Variants in MTMR7 observed in about 807,000 individuals in gnomAD.
The protein encoded by MTMR7 is phosphatidylinositol-3-phosphate phosphatase MTMR7.
MTMR7 carries 76 observed loss-of-function variants against 81.2 expected under a neutral mutation model. That is an observed-to-expected ratio of 0.94 (90% confidence interval 0.78 to 1.13). MTMR7 has a LOEUF of 1.13. MTMR7 is among the 50% of genes most tolerant of loss of function. The pLI, the probability that MTMR7 is intolerant of heterozygous loss-of-function variation, is 0.00. For synonymous variants in MTMR7, 372 were observed against 289.8 expected, an observed-to-expected ratio of 1.28 and a Z score of -2.88; for missense variants, 1,044 against 820.0, an observed-to-expected ratio of 1.27 and a Z score of -3.34.
chr8:17,378,270 CA>C (rs1310930253), intron 1 of MTMR7, among the ~76,000 whole-genome samples: 2 of 152,088 alleles, frequency 1.3e-5, no homozygotes, highest in African/African-American at 2.4e-5. Flanking sequence ...TATGATTTCC[CA>C]GAGATACTAA....
intron 1 of MTMR7, among the ~76,000 whole-genome samples, chr8:17,390,304 G>C (rs1295922545): frequency 6.6e-6 from 1 of 151,668 alleles, no homozygotes; most frequent in African/African-American, 2.4e-5. Flanking sequence ...GCAGGAACAA[G>C]AAAGAGTGAG....
At chr8:17,361,928 G>C (rs1820073379) in intron 3 of MTMR7, among the ~76,000 whole-genome samples, 1 of 152,064 alleles carries the variant, frequency 6.6e-6, no homozygotes, top group Non-Finnish European at 1.5e-5. Flanking sequence ...ATCATGATGT[G>C]GTTTCTTTCA....
In MTMR7 at chr8:17,304,627, C is replaced by A. The variant is rs981499574; in HGVS notation, c.1353-108G>T. On this transcript the variant is annotated intron_variant, in intron 11 of 13. Transcript: ENST00000180173. ...ACTAATAATTGTTACCTGAAAACCA[C>A]GTGTCTGTTCGATAGCAGGTAAATG... 8 of 1,122,926 alleles carry A rather than the reference C, an allele frequency of 7.1e-6. No individual in the cohort carries two copies. The African/African-American group carries it at 1.2e-4, about 17-fold the overall frequency. The allele number at this position is 1,122,926 out of a possible 1,614,324, so 69.6% of individuals were successfully genotyped here. A position where few individuals can be genotyped will look rare whatever the true frequency, so the allele number is the denominator to read the frequency against.
chr8:17,311,728 G>T, intron 8 of MTMR7, 92 bp from the exon 9 acceptor site: 1 of 1,570,624 alleles, frequency 6.4e-7, no homozygotes, highest in Non-Finnish European at 8.6e-7. Context: ...TATATTTACA[G>T]AAAGAAACAG....
chr8:17,381,254 C>A (rs1820750602), intron 1 of MTMR7, among the ~76,000 whole-genome samples: 1 of 152,078 alleles, frequency 6.6e-6, no homozygotes, highest in Admixed American at 6.5e-5. Context: ...GCTGAAAACG[C>A]TCAGTCAAAA....
chr8:17,404,145 A>T (rs1032644916), intron 1 of MTMR7, among the ~76,000 whole-genome samples: 1 of 152,206 alleles, frequency 6.6e-6, no homozygotes, highest in African/African-American at 2.4e-5. Flanking sequence ...GGGGAGTGGC[A>T]AAAATGGAAA....
intron 10 of MTMR7, among the ~76,000 whole-genome samples, chr8:17,307,308 G>C (rs548114834): frequency 6.6e-6 from 1 of 152,348 alleles, no homozygotes; most frequent in South Asian, 2.1e-4. Flanking sequence ...CTGGCCATCA[G>C]AGAAATGCAA....
chr8:17,331,076 A>C, intron 7 of MTMR7, 74 bp downstream of exon 7: 2 of 1,511,248 alleles, frequency 1.3e-6, no homozygotes, highest in Non-Finnish European at 1.8e-6. Context: ...TTTTAAAATC[A>C]AGACTATCTT....
chr8:17,344,261 A>G (rs1819490315), intron 5 of MTMR7, among the ~76,000 whole-genome samples: 1 of 152,180 alleles, frequency 6.6e-6, no homozygotes, highest in Admixed American at 6.5e-5. Context: ...AATTCTTAAC[A>G]AAGTAATTCA....
intron 2 of MTMR7, among the ~76,000 whole-genome samples, chr8:17,372,683 C>A (rs1820454539): frequency 6.6e-6 from 1 of 152,090 alleles, no homozygotes; most frequent in African/African-American, 2.4e-5. Context: ...GATGATGAAG[C>A]TCCTCTAGAT....
intron 1 of MTMR7, among the ~76,000 whole-genome samples, chr8:17,384,600 A>C (rs1180919567): frequency 1.3e-5 from 2 of 152,222 alleles, no homozygotes; most frequent in Admixed American, 6.5e-5. Flanking sequence ...TACAAGAAGA[A>C]AAACTGAAGC....
At chr8:17,338,400 C>A (rs1459652668) in intron 6 of MTMR7, among the ~76,000 whole-genome samples, 1 of 152,182 alleles carries the variant, frequency 6.6e-6, no homozygotes, top group African/African-American at 2.4e-5. Flanking sequence ...GTGAATCTGT[C>A]TGGCTTTATT....
intron 11 of MTMR7, 122 bp downstream of exon 11, chr8:17,305,635 C>T: frequency 1.4e-6 from 1 of 731,698 alleles, no homozygotes; most frequent in South Asian, 2.0e-5. Flanking sequence ...TAAAACTAAT[C>T]TGTCAGTATA....
intron 7 of MTMR7, among the ~76,000 whole-genome samples, chr8:17,325,099 G>C (rs1273823891): frequency 6.6e-6 from 1 of 152,110 alleles, no homozygotes; most frequent in Non-Finnish European, 1.5e-5. Context: ...ACGGAAGAAT[G>C]TGTCGAGCAA....
rs1393696142 is a variant in MTMR7 at position 17,388,985 on chromosome 8, A to T, written c.25-15745T>A. Among the ~76,000 whole-genome samples the T allele has an allele frequency of 2.0e-5, 3 of 152,186 alleles. No homozygotes were observed. The South Asian group carries it at 6.2e-4, about 32-fold the overall frequency. On this transcript the variant is annotated intron_variant, in intron 1 of 13. Transcript: ENST00000180173. The stretch of plus-strand genomic sequence containing the variant: ...CATTCCCACTCTGGGAAATGAGTAT[A>T]AAGCAGAATGCCTTGCAGACCCAAT...
intron 6 of MTMR7, among the ~76,000 whole-genome samples, chr8:17,334,652 G>A (rs898176675): frequency 5.3e-5 from 8 of 152,172 alleles, no homozygotes; most frequent in Non-Finnish European, 1.2e-4. Flanking sequence ...CTATGGCCAG[G>A]CGTTAAGTGG....
At chr8:17,397,354 T>C (rs1361669121) in intron 1 of MTMR7, among the ~76,000 whole-genome samples, 1 of 151,504 alleles carries the variant, frequency 6.6e-6, no homozygotes, top group African/African-American at 2.4e-5. Flanking sequence ...CCCTGAAGGG[T>C]GGGCTCCAAG....
intron 3 of MTMR7, among the ~76,000 whole-genome samples, chr8:17,361,956 C>G (rs2150557782): frequency 6.6e-6 from 1 of 152,270 alleles, no homozygotes; most frequent in East Asian, 1.9e-4. Context: ...CGTGTTATCT[C>G]TGTCTTTATA....
intron 1 of MTMR7, among the ~76,000 whole-genome samples, chr8:17,379,617 C>T (rs1469150588): frequency 6.6e-6 from 1 of 152,048 alleles, no homozygotes; most frequent in African/African-American, 2.4e-5. Flanking sequence ...TTAGAACTTG[C>T]CTTTTTAAAA....
Sources: gnomAD v4.1 joint callset for allele counts (sites outside exome capture counted in the v4.1 genomes callset) on GRCh38, gnomAD v4.1.1 for gene constraint, MANE v1.5 for transcripts, NCBI Gene and HGNC (gene_info 2026-07-23, HGNC 2026-07-21) for gene names.